The following DHRSX variants were observed in gnomAD, a reference collection of about 807,000 sequenced individuals.
The protein encoded by DHRSX is dehydrogenase/reductase X-linked, also known as polyprenol dehydrogenase.
In DHRSX, 31 loss-of-function variants were observed where a neutral mutation model predicts 34.0. The observed-to-expected ratio is 0.91, with a 90% CI of 0.69 to 1.23. DHRSX has a LOEUF of 1.23. Ranked by LOEUF, DHRSX falls within the 50% of genes most tolerant of loss-of-function variation. The pLI, the probability that DHRSX is intolerant of heterozygous loss-of-function variation, is 0.00. For missense variants in DHRSX, 414 were observed against 428.1 expected (o/e 0.97, Z 0.29); for synonymous variants, 201 against 183.8 (o/e 1.09, Z -0.76).
chrX:2,498,645 A>G (rs1426192572), intron 1 of DHRSX, among the ~76,000 whole-genome samples: 2 of 148,252 alleles, frequency 1.3e-5, no homozygotes, highest in African/African-American at 4.9e-5. Context: ...AAAAAAAAAG[A>G]TTCCAGCCCT....
At chrX:2,441,924 A>C (rs780376105) in intron 1 of DHRSX, among the ~76,000 whole-genome samples, 1 of 152,104 alleles carries the variant, frequency 6.6e-6, no homozygotes, top group Non-Finnish European at 1.5e-5. Flanking sequence ...TACAAAAAAA[A>C]TTAGCTGGGT....
At chrX:2,247,655 CAA>C (rs752111695) in intron 5 of DHRSX, among the ~76,000 whole-genome samples, 46,270 of 96,608 alleles carry the variant, frequency 0.48, 7,745 homozygotes, top group Middle Eastern at 0.6. Flanking sequence ...CTCCGTCTCA[CAA>C]AAAAAAAAAA....
intron 1 of DHRSX, among the ~76,000 whole-genome samples, chrX:2,453,435 G>T (rs1273198757): frequency 6.6e-6 from 1 of 152,048 alleles, no homozygotes; most frequent in African/African-American, 2.4e-5. Context: ...TACATGGGAG[G>T]CTGAGGCAGG....
chrX:2,457,199 T>C (rs1233169003), intron 1 of DHRSX, among the ~76,000 whole-genome samples: 1 of 152,110 alleles, frequency 6.6e-6, no homozygotes, highest in African/African-American at 2.4e-5. Context: ...TTTCTAAGAA[T>C]GTGGCCAAGG....
At chrX:2,458,110 G>T (rs1352977018) in intron 1 of DHRSX, among the ~76,000 whole-genome samples, 1 of 151,840 alleles carries the variant, frequency 6.6e-6, no homozygotes, top group Non-Finnish European at 1.5e-5. Flanking sequence ...AGACATTCGG[G>T]AAGAATGTGG....
chrX:2,234,940 A>C (rs1280675545), intron 6 of DHRSX, among the ~76,000 whole-genome samples: 1 of 152,086 alleles, frequency 6.6e-6, no homozygotes, highest in Admixed American at 6.5e-5. Context: ...TGAACTCATG[A>C]CCTCAGGTGA....
chrX:2,477,645 A>C (rs1349847802), intron 1 of DHRSX, among the ~76,000 whole-genome samples: 2 of 152,316 alleles, frequency 1.3e-5, no homozygotes, highest in Middle Eastern at 6.8e-3. Flanking sequence ...CAGGAGTTCG[A>C]GACCAACATG....
intron 1 of DHRSX, among the ~76,000 whole-genome samples, chrX:2,435,240 G>A (rs188038582): frequency 2.9e-4 from 44 of 152,186 alleles, no homozygotes; most frequent in African/African-American, 9.4e-4. Context: ...AAACCTGCAC[G>A]CACTATGAAA....
chrX:2,272,093 C>A (rs2041564510), intron 4 of DHRSX, among the ~76,000 whole-genome samples: 1 of 151,872 alleles, frequency 6.6e-6, no homozygotes, highest in Admixed American at 6.6e-5. Flanking sequence ...CTCACAACTG[C>A]AAACATACGG....
At chrX:2,378,954 G>A (rs1288484712) in intron 3 of DHRSX, among the ~76,000 whole-genome samples, 1 of 152,140 alleles carries the variant, frequency 6.6e-6, no homozygotes, top group Non-Finnish European at 1.5e-5. Context: ...TTACAGGCGT[G>A]AGCCACCGCG....
chrX:2,267,026 G>T, intron 4 of DHRSX, 79 bp from the exon 5 acceptor site: 1 of 1,454,322 alleles, frequency 6.9e-7, no homozygotes, highest in African/African-American at 1.4e-5. Flanking sequence ...CCCCAGATGC[G>T]CAAATGGCCC....
intron 3 of DHRSX, among the ~76,000 whole-genome samples, chrX:2,399,925 G>A (rs2043466051): frequency 6.6e-6 from 1 of 151,658 alleles, no homozygotes; most frequent in Non-Finnish European, 1.5e-5. Context: ...ACTAGTCCCA[G>A]CTACTCGGGA....
Position 2,500,861 on chromosome X carries a change from A to G in DHRSX, c.65T>C (p.Leu22Pro), listed in dbSNP as rs2124155550. 1.7e-6 allele frequency: 2 copies of G among 1,153,422 alleles called. No individual in the cohort carries two copies. The highest frequency in any genetic ancestry group is 4.4e-5 in the Admixed American group (1 of 22,940). The allele number at this position is 1,153,422 out of a possible 1,614,324, so 71.4% of individuals were successfully genotyped here. Reference sequence around the variant, plus strand: ...GCGGCAGCGCCGCAGCAGCTGCGCCAGGATCACCGCGGCGCCTACCGCGTA... The same window carrying G: ...GCGGCAGCGCCGCAGCAGCTGCGCCGGGATCACCGCGGCGCCTACCGCGTA... The part of the protein sequence containing the change: ...RVYAVGAAVI[L>P]AQLLRRCRGG... Residue 22 changes from leucine to proline, a missense_variant, in exon 1 of 7, where the codon CTG (leucine) becomes CCG (proline). Physicochemically the swap from Leu to Pro is moderately conservative, Grantham distance 98 (BLOSUM62 -3). Transcript: ENST00000334651.
chrX:2,496,825 T>C (rs191809856), intron 1 of DHRSX, among the ~76,000 whole-genome samples: 70 of 149,576 alleles, frequency 4.7e-4, no homozygotes, highest in African/African-American at 1.7e-3. Context: ...CTAAATTATA[T>C]AAATATAACT....
At chrX:2,384,952 T>A (rs186618434) in intron 3 of DHRSX, among the ~76,000 whole-genome samples, 6,434 of 128,642 alleles carry the variant, frequency 0.05, 204 homozygotes, top group East Asian at 0.17. Flanking sequence ...GAAAAAAAAA[T>A]ATATATATAT....
At chrX:2,238,616 T>G (rs1465600836) in intron 6 of DHRSX, among the ~76,000 whole-genome samples, 1 of 150,408 alleles carries the variant, frequency 6.6e-6, no homozygotes, top group Non-Finnish European at 1.5e-5. Flanking sequence ...GGAGTTTCAC[T>G]CTTTTCACCC....
At chrX:2,253,478 GC>G (rs1252633922) in intron 5 of DHRSX, among the ~76,000 whole-genome samples, 1 of 151,984 alleles carries the variant, frequency 6.6e-6, no homozygotes, top group African/African-American at 2.4e-5. Context: ...ATGGCAGTGA[GC>G]CAAGATGGCG....
chrX:2,238,979 A>G (rs1337741029), intron 6 of DHRSX, among the ~76,000 whole-genome samples: 2 of 152,196 alleles, frequency 1.3e-5, no homozygotes, highest in East Asian at 3.8e-4. Flanking sequence ...ATCATTACAA[A>G]GACAGCATCA....
At chrX:2,426,840 C>T (rs1269695450) in intron 1 of DHRSX, among the ~76,000 whole-genome samples, 17 of 151,422 alleles carry the variant, frequency 1.1e-4, no homozygotes, top group Non-Finnish European at 2.1e-4. Context: ...TCCTTTCTTT[C>T]CTCCCTCTTT....
Sources: gnomAD v4.1 joint callset for allele counts (sites outside exome capture counted in the v4.1 genomes callset) on GRCh38, gnomAD v4.1.1 for gene constraint, MANE v1.5 for transcripts, NCBI Gene and HGNC (gene_info 2026-07-23, HGNC 2026-07-21) for gene names.